Variants in RBM6 observed in about 807,000 individuals in gnomAD.
RBM6 encodes RNA binding motif protein 6, also known as RNA-binding protein 6.
In RBM6, 23 loss-of-function variants were observed where a neutral mutation model predicts 140.4. The ratio of observed to expected loss-of-function variants is 0.16; its 90% CI spans 0.12 to 0.23. The LOEUF is 0.23. RBM6 is among the 10% of genes least tolerant of loss of function. RBM6 has a pLI of 1.00. For missense variants in RBM6, 1,139 were observed against 1,386.7 expected, an observed-to-expected ratio of 0.82 and a Z score of 2.84; for synonymous variants, 439 against 475.6, an observed-to-expected ratio of 0.92 and a Z score of 1.00.
At position 49,994,669 on chromosome 3, in the gene RBM6, G is replaced by GGTGT. The variant is rs59949998; in HGVS notation, c.1484-4748_1484-4745dup. ...TTTTGTTTGGAGAAAAAGGCTGTGG[G>GGTGT]GTGTGTGTGTGTGTGTGTGTGTGTG... On this transcript the variant is annotated intron_variant, in intron 5 of 20. Transcript: ENST00000266022. Among the ~76,000 whole-genome samples, 928 of 148,262 alleles carry GGTGT rather than the reference G, an allele frequency of 6.3e-3. 1 individual carries two copies. Among genetic ancestry groups the GGTGT allele is most frequent in the Middle Eastern group, 0.014 (4 of 282 alleles).
chr3:49,988,487 C>T (rs892646415), intron 5 of RBM6, among the ~76,000 whole-genome samples: 2 of 151,634 alleles, frequency 1.3e-5, no homozygotes, highest in African/African-American at 4.8e-5. Context: ...CTAGATTTGG[C>T]CTGGAAAGAG....
chr3:49,978,969 A>G (rs1405295424), intron 5 of RBM6, among the ~76,000 whole-genome samples: 2 of 152,172 alleles, frequency 1.3e-5, no homozygotes, highest in African/African-American at 2.4e-5. Context: ...AAACTCTAGT[A>G]TATATATAAA....
chr3:49,985,333 T>A (rs2085506975), intron 5 of RBM6, among the ~76,000 whole-genome samples: 1 of 152,232 alleles, frequency 6.6e-6, no homozygotes, highest in African/African-American at 2.4e-5. Context: ...GATTTAAAAA[T>A]ACGTTGACAT....
intron 4 of RBM6, among the ~76,000 whole-genome samples, chr3:49,974,972 C>G (rs184104345): frequency 6.6e-6 from 1 of 151,804 alleles, no homozygotes; most frequent in Non-Finnish European, 1.5e-5. Context: ...CATGTGTGAG[C>G]CACCACGCCC....
chr3:49,999,354 G>A, intron 5 of RBM6, 86 bp from the exon 6 acceptor site: 1 of 1,165,970 alleles, frequency 8.6e-7, no homozygotes, highest in Non-Finnish European at 1.3e-6. Flanking sequence ...GTGTTTAAGG[G>A]GTTCAGAAAC....
intron 11 of RBM6, among the ~76,000 whole-genome samples, chr3:50,060,636 C>T (rs539782222): frequency 6.6e-6 from 1 of 151,784 alleles, no homozygotes; most frequent in East Asian, 1.9e-4. Flanking sequence ...CACCTGTAGT[C>T]CCAGCTACTT....
intron 5 of RBM6, among the ~76,000 whole-genome samples, chr3:49,975,606 T>C (rs188494446): frequency 6.6e-6 from 1 of 152,364 alleles, no homozygotes; most frequent in East Asian, 1.9e-4. Context: ...ATGTTCCAGT[T>C]CTTCTGAATG....
intron 1 of RBM6, among the ~76,000 whole-genome samples, chr3:49,953,907 G>T (rs955093347): frequency 2.0e-5 from 3 of 152,062 alleles, no homozygotes; most frequent in African/African-American, 7.2e-5. Context: ...TGGAGGCGGG[G>T]TAATCGCCTG....
chr3:49,957,651 T>G (rs192240602), intron 1 of RBM6, among the ~76,000 whole-genome samples: 23 of 152,286 alleles, frequency 1.5e-4, no homozygotes, highest in Non-Finnish European at 2.8e-4. Context: ...TTCTCTTCCC[T>G]TTTCTGTTAA....
chr3:49,969,640 C>G (rs1321025621), intron 3 of RBM6, among the ~76,000 whole-genome samples: 1 of 151,694 alleles, frequency 6.6e-6, no homozygotes, highest in East Asian at 1.9e-4. Flanking sequence ...CTCTGTCACT[C>G]GGGCTGAAGT....
chr3:49,941,795 T>C (rs2083294363), intron 1 of RBM6, among the ~76,000 whole-genome samples: 1 of 151,890 alleles, frequency 6.6e-6, no homozygotes. Context: ...CTTGAACTAC[T>C]GACCTCAGGT....
intron 3 of RBM6, among the ~76,000 whole-genome samples, chr3:49,971,278 A>AC (rs1303102377): frequency 1.3e-5 from 2 of 148,886 alleles, no homozygotes; most frequent in African/African-American, 4.9e-5. Context: ...AAAAAAAAAA[A>AC]AAAAACGAAA....
intron 2 of RBM6, 103 bp downstream of exon 2, chr3:49,962,788 G>A (rs938344518): frequency 8.2e-7 from 1 of 1,224,338 alleles, no homozygotes. Flanking sequence ...TGGAGAAATA[G>A]TTTCTGATTT....
At chr3:49,994,361 C>T (rs2085970978) in intron 5 of RBM6, among the ~76,000 whole-genome samples, 1 of 152,190 alleles carries the variant, frequency 6.6e-6, no homozygotes, top group Non-Finnish European at 1.5e-5. Flanking sequence ...CCACACCCAG[C>T]CTCGCATGAG....
At chr3:49,998,802 C>A (rs2086197754) in intron 5 of RBM6, among the ~76,000 whole-genome samples, 1 of 152,162 alleles carries the variant, frequency 6.6e-6, no homozygotes, top group South Asian at 2.1e-4. Flanking sequence ...TGCTTTTACA[C>A]CTTCTTCCTT....
At chr3:49,964,770 G>A (rs763091032) in intron 2 of RBM6, among the ~76,000 whole-genome samples, 3 of 152,144 alleles carry the variant, frequency 2.0e-5, no homozygotes, top group East Asian at 3.8e-4. Context: ...TAGAATTAAC[G>A]TGGTTTAGGT....
intron 4 of RBM6, among the ~76,000 whole-genome samples, chr3:49,973,231 C>T (rs1234272571): frequency 4.0e-5 from 6 of 151,868 alleles, no homozygotes; most frequent in African/African-American, 4.8e-5. Context: ...TGGGCTCAAT[C>T]GATCCTACCA....
rs1347648201 is a variant in RBM6, at chr3:49,996,644, G to A, written c.1484-2796G>A. Among the ~76,000 whole-genome samples the A allele has an allele frequency of 2.6e-5, 4 of 152,126 alleles. No homozygotes were observed. In the South Asian group the frequency reaches 6.2e-4, roughly 24 times the overall value. On this transcript the variant is annotated intron_variant, in intron 5 of 20. Transcript: ENST00000266022. ...AATGCTTTCTAATTTGCATACTCAG[G>A]TCTACTCACAATAGTTCTGCCATAG...
intron 6 of RBM6, among the ~76,000 whole-genome samples, chr3:50,037,006 G>A (rs1293452831): frequency 2.6e-5 from 4 of 151,818 alleles, no homozygotes; most frequent in African/African-American, 9.7e-5. Flanking sequence ...GTATGGTCTC[G>A]ATCTCTTGAC....
Sources: allele counts gnomAD v4.1 joint callset (sites outside exome capture counted in the v4.1 genomes callset), GRCh38; gene constraint gnomAD v4.1.1; transcripts MANE v1.5; gene names NCBI Gene and HGNC (gene_info 2026-07-23, HGNC 2026-07-21).